CDKAL1: variants seen among roughly 807,000 people sequenced by gnomAD.
The protein encoded by CDKAL1 is CDKAL1 threonylcarbamoyladenosine tRNA methylthiotransferase.
Under a neutral mutation model 68.2 loss-of-function variants are expected in CDKAL1, and 32 were observed. The observed-to-expected ratio is 0.47, with a 90% CI of 0.35 to 0.63. CDKAL1 has a LOEUF of 0.63. CDKAL1 is among the 30% of genes least tolerant of loss of function. CDKAL1 has a pLI of 0.00. For missense variants in CDKAL1, 606 were observed against 696.7 expected (o/e 0.87, Z 1.47); for synonymous variants, 234 against 244.3 (o/e 0.96, Z 0.39).
chr6:21,203,562 G>C (rs1448978699), intron 15 of CDKAL1, among the ~76,000 whole-genome samples: 2 of 151,754 alleles, frequency 1.3e-5, no homozygotes, highest in Non-Finnish European at 2.9e-5. Flanking sequence ...ATTTTTTCTA[G>C]AGACAGGATC....
At chr6:20,545,831 A>G (rs777288161) in intron 2 of CDKAL1, among the ~76,000 whole-genome samples, 1 of 152,216 alleles carries the variant, frequency 6.6e-6, no homozygotes, top group Non-Finnish European at 1.5e-5. Flanking sequence ...TAAATATTCA[A>G]TATGCATCTC....
rs115244559 is a variant in CDKAL1 at position 20,948,816 on chromosome 6, G to T, written c.743-6603G>T. Among the ~76,000 whole-genome samples, 626 of 152,306 alleles carry T rather than the reference G, an allele frequency of 4.1e-3. 5 individuals carry two copies. Among genetic ancestry groups the T allele is most frequent in the African/African-American group, 0.014 (597 of 41,568 alleles). On this transcript the variant is annotated intron_variant, in intron 9 of 15. Transcript: ENST00000274695. ...GAGGATAAACTTAATCTGCTTCATT[G>T]AGGCTTATTACAGATTTTGGAGACT...
intron 4 of CDKAL1, among the ~76,000 whole-genome samples, chr6:20,563,605 C>T (rs927140690): frequency 1.3e-5 from 2 of 151,358 alleles, no homozygotes; most frequent in African/African-American, 2.4e-5. Context: ...TCTCAAATTC[C>T]CTAGTCACTG....
chr6:21,005,101 T>G (rs1767652131), intron 11 of CDKAL1, among the ~76,000 whole-genome samples: 1 of 152,238 alleles, frequency 6.6e-6, no homozygotes, highest in South Asian at 2.1e-4. Context: ...TGAATGATTC[T>G]TTTTTCTTTT....
chr6:21,159,119 A>ATTTTTT (rs1415201432), intron 13 of CDKAL1, among the ~76,000 whole-genome samples: 4 of 115,868 alleles, frequency 3.5e-5, no homozygotes, highest in African/African-American at 1.3e-4. Flanking sequence ...TTTTTTTTTA[A>ATTTTTT]TTTTTTTAAT....
chr6:20,718,233 C>T (rs1355704529), intron 5 of CDKAL1, among the ~76,000 whole-genome samples: 1 of 152,176 alleles, frequency 6.6e-6, no homozygotes, highest in Non-Finnish European at 1.5e-5. Flanking sequence ...CCATATTTTC[C>T]TCATTTGTGG....
chr6:21,003,343 A>AATATATATATATATACATATATAT (rs1554159045), intron 11 of CDKAL1, among the ~76,000 whole-genome samples: 2 of 40,442 alleles, frequency 4.9e-5, no homozygotes, highest in African/African-American at 1.8e-4. Context: ...ATCTCTACTA[A>AATATATATATATATACATATATAT]ATATATATAT....
At chr6:20,717,978 C>T (rs1330048685) in intron 5 of CDKAL1, among the ~76,000 whole-genome samples, 1 of 152,134 alleles carries the variant, frequency 6.6e-6, no homozygotes, top group Admixed American at 6.6e-5. Context: ...GAGCATAATC[C>T]CTTGCACAGT....
chr6:20,782,070 G>C (rs1275680855), intron 8 of CDKAL1, among the ~76,000 whole-genome samples: 1 of 152,096 alleles, frequency 6.6e-6, no homozygotes, highest in Non-Finnish European at 1.5e-5. Context: ...TTGAGAACCG[G>C]TGAACAGCTT....
At chr6:21,063,018 A>G (rs9465959) in intron 11 of CDKAL1, among the ~76,000 whole-genome samples, 48,821 of 151,962 alleles carry the variant, frequency 0.32, 8,299 homozygotes, top group African/African-American at 0.42. Context: ...GGGTTCAAGC[A>G]ATTCTCCTGC....
chr6:20,906,735 C>T (rs968725309), intron 9 of CDKAL1, among the ~76,000 whole-genome samples: 1 of 151,884 alleles, frequency 6.6e-6, no homozygotes, highest in Non-Finnish European at 1.5e-5. Context: ...ACAAAAAAAA[C>T]ATCTAAACAC....
chr6:20,589,423 C>T (rs1005370688), intron 4 of CDKAL1, among the ~76,000 whole-genome samples: 7 of 152,152 alleles, frequency 4.6e-5, no homozygotes, highest in African/African-American at 1.2e-4. Context: ...TAGATGCAAT[C>T]GCTAGTCTTG....
intron 9 of CDKAL1, among the ~76,000 whole-genome samples, chr6:20,862,320 G>T (rs1275776247): frequency 6.6e-6 from 1 of 152,140 alleles, no homozygotes; most frequent in Non-Finnish European, 1.5e-5. Context: ...ATGACATTTT[G>T]ATTAAAACCA....
intron 9 of CDKAL1, among the ~76,000 whole-genome samples, chr6:20,917,778 T>A (rs1353076439): frequency 6.6e-6 from 1 of 152,224 alleles, no homozygotes; most frequent in Non-Finnish European, 1.5e-5. Flanking sequence ...AGATTAAATA[T>A]ACTTGCTGTT....
chr6:20,863,861 A>T (rs1198069908), intron 9 of CDKAL1, among the ~76,000 whole-genome samples: 1 of 152,210 alleles, frequency 6.6e-6, no homozygotes, highest in Non-Finnish European at 1.5e-5. Flanking sequence ...CCTTTGAAAA[A>T]TTTGATTGTT....
intron 4 of CDKAL1, among the ~76,000 whole-genome samples, chr6:20,646,745 ATTAT>A (rs980577088): frequency 1.3e-5 from 2 of 151,856 alleles, no homozygotes; most frequent in African/African-American, 4.8e-5. Context: ...TGTCATTAGG[ATTAT>A]TTATTTATTT....
At chr6:20,535,622 A>G (rs1763137664) in intron 2 of CDKAL1, among the ~76,000 whole-genome samples, 1 of 151,472 alleles carries the variant, frequency 6.6e-6, no homozygotes, top group African/African-American at 2.4e-5. Context: ...TGCCCTTTTC[A>G]TTTGCCTTCC....
chr6:20,663,836 T>C (rs1228884914), intron 5 of CDKAL1, among the ~76,000 whole-genome samples: 1 of 152,076 alleles, frequency 6.6e-6, no homozygotes, highest in Non-Finnish European at 1.5e-5. Flanking sequence ...GGAAAACAGG[T>C]TGAAGGACAG....
At chr6:20,907,013 C>A (rs1436763508) in intron 9 of CDKAL1, among the ~76,000 whole-genome samples, 5 of 152,038 alleles carry the variant, frequency 3.3e-5, no homozygotes, top group Admixed American at 1.3e-4. Flanking sequence ...TACATGAGTA[C>A]TTAAAGTAGT....
Sources: gnomAD v4.1 joint callset for allele counts (sites outside exome capture counted in the v4.1 genomes callset) on GRCh38, gnomAD v4.1.1 for gene constraint, MANE v1.5 for transcripts, NCBI Gene and HGNC (gene_info 2026-07-23, HGNC 2026-07-21) for gene names.